Variants in NRXN3 observed in about 807,000 individuals in gnomAD.
NRXN3 encodes the protein neurexin 3.
Under a neutral mutation model 137.6 loss-of-function variants are expected in NRXN3, and 32 were observed. That is an observed-to-expected ratio of 0.23 (90% CI 0.18 to 0.31). The LOEUF is 0.31. Among genes scored for constraint, NRXN3 ranks in the 10% least tolerant of loss-of-function variants. The probability of loss-of-function intolerance (pLI) is 1.00; values close to 1 mark genes in which losing one functional copy is unlikely to be tolerated. For missense variants in NRXN3, 1,574 were observed against 2,062.5 expected (o/e 0.76, Z 4.59); for synonymous variants, 798 against 784.5 (o/e 1.02, Z -0.29).
chr14:79,653,737 C>CT (rs1316547804), intron 16 of NRXN3, among the ~76,000 whole-genome samples: 3 of 152,036 alleles, frequency 2.0e-5, no homozygotes, highest in African/African-American at 7.2e-5. Context: ...TTCTATTTGC[C>CT]AAATAATAAT....
intron 19 of NRXN3, among the ~76,000 whole-genome samples, chr14:79,756,048 C>A (rs891693030): frequency 6.6e-6 from 1 of 152,018 alleles, no homozygotes; most frequent in Admixed American, 6.6e-5. Context: ...TTTGGTAATT[C>A]TCTTGTAGGG....
At chr14:79,624,702 C>G (rs1345852112) in intron 16 of NRXN3, among the ~76,000 whole-genome samples, 1 of 151,944 alleles carries the variant, frequency 6.6e-6, no homozygotes, top group Non-Finnish European at 1.5e-5. Flanking sequence ...TGGTAACCAA[C>G]TTTCTACTCT....
chr14:78,250,438 A>G (rs1031997513), intron 2 of NRXN3, among the ~76,000 whole-genome samples: 7 of 152,170 alleles, frequency 4.6e-5, no homozygotes, highest in Non-Finnish European at 7.3e-5. Flanking sequence ...CCCTACCTCC[A>G]CCAGTTTCCC....
intron 16 of NRXN3, among the ~76,000 whole-genome samples, chr14:79,493,843 T>G (rs2096740650): frequency 6.6e-6 from 1 of 152,192 alleles, no homozygotes; most frequent in African/African-American, 2.4e-5. Flanking sequence ...AACAAAGGTT[T>G]TCACAAGGTC....
intron 15 of NRXN3, among the ~76,000 whole-genome samples, chr14:79,320,321 G>A (rs938965169): frequency 6.6e-6 from 1 of 152,146 alleles, no homozygotes; most frequent in African/African-American, 2.4e-5. Context: ...ATAAGTGGTG[G>A]ACATTTTTCT....
chr14:78,886,529 T>C (rs968344404), intron 10 of NRXN3, among the ~76,000 whole-genome samples: 3 of 152,052 alleles, frequency 2.0e-5, no homozygotes, highest in Admixed American at 6.6e-5. Flanking sequence ...CCAAACACTT[T>C]AGAGTCTTTA....
intron 15 of NRXN3, among the ~76,000 whole-genome samples, chr14:79,118,543 C>A (rs996928896): frequency 1.3e-5 from 2 of 152,208 alleles, no homozygotes; most frequent in African/African-American, 4.8e-5. Context: ...ATTGCATCAA[C>A]CTCAACCCTG....
chr14:78,173,795 G>A (rs944300333), intron 1 of NRXN3, among the ~76,000 whole-genome samples: 2 of 138,346 alleles, frequency 1.4e-5, no homozygotes, highest in East Asian at 4.6e-4. Flanking sequence ...GGAGGGCAAA[G>A]TCGGCACATC....
intron 15 of NRXN3, among the ~76,000 whole-genome samples, chr14:79,186,246 T>C (rs1341071943): frequency 7.1e-6 from 1 of 140,288 alleles, no homozygotes; most frequent in Non-Finnish European, 1.6e-5. Context: ...TCAAGGGTGT[T>C]ACCTGAAAAA....
intron 10 of NRXN3, among the ~76,000 whole-genome samples, chr14:78,950,153 A>G (rs2099384292): frequency 6.6e-6 from 1 of 152,230 alleles, no homozygotes. Context: ...TTTTAAAAAC[A>G]AGAGTAGAAT....
intron 15 of NRXN3, among the ~76,000 whole-genome samples, chr14:79,097,966 C>T (rs2050642975): frequency 6.6e-6 from 1 of 152,136 alleles, no homozygotes; most frequent in Non-Finnish European, 1.5e-5. Flanking sequence ...TAGTCTCCTA[C>T]AGCTGCCTCT....
At chr14:78,674,783 T>C (rs2097982732) in intron 6 of NRXN3, among the ~76,000 whole-genome samples, 1 of 152,210 alleles carries the variant, frequency 6.6e-6, no homozygotes, top group African/African-American at 2.4e-5. Flanking sequence ...ATGTTTTGCT[T>C]GAATTAGAAT....
chr14:79,021,349 G>T (rs766740353), intron 15 of NRXN3, among the ~76,000 whole-genome samples: 1 of 152,186 alleles, frequency 6.6e-6, no homozygotes, highest in Non-Finnish European at 1.5e-5. Context: ...GCCTGGTTTT[G>T]ATATGGAAGA....
At chr14:79,716,606 C>T (rs2098824460) in intron 19 of NRXN3, among the ~76,000 whole-genome samples, 1 of 151,988 alleles carries the variant, frequency 6.6e-6, no homozygotes, top group East Asian at 1.9e-4. Flanking sequence ...CTGCGGAGTT[C>T]AGTGGAAGTT....
chr14:78,578,774 T>C (rs887797292), intron 4 of NRXN3, among the ~76,000 whole-genome samples: 1 of 152,060 alleles, frequency 6.6e-6, no homozygotes, highest in Admixed American at 6.6e-5. Flanking sequence ...ACAGAGAGAA[T>C]AGACACTGAG....
At chr14:78,948,046 C>G (rs965934164) in intron 10 of NRXN3, among the ~76,000 whole-genome samples, 1 of 152,144 alleles carries the variant, frequency 6.6e-6, no homozygotes, top group Non-Finnish European at 1.5e-5. Context: ...TGATTGAGTG[C>G]TATGTAGGTT....
intron 8 of NRXN3, among the ~76,000 whole-genome samples, chr14:78,781,068 T>C (rs2098767557): frequency 2.0e-5 from 3 of 152,164 alleles, no homozygotes; most frequent in Admixed American, 1.3e-4. Flanking sequence ...CTATATAATA[T>C]AATAACATCC....
At chr14:78,788,227 G>A (rs889173538) in intron 8 of NRXN3, among the ~76,000 whole-genome samples, 5 of 151,434 alleles carry the variant, frequency 3.3e-5, no homozygotes, top group African/African-American at 9.7e-5. Flanking sequence ...TAGACCTCAA[G>A]GAAATTCAAA....
chr14:79,158,754 G>C (rs1305088573), intron 15 of NRXN3, among the ~76,000 whole-genome samples: 1 of 151,832 alleles, frequency 6.6e-6, no homozygotes, highest in Admixed American at 6.6e-5. Context: ...TATGATACCA[G>C]TGATTTAGTC....
Sources: allele counts gnomAD v4.1 joint callset (sites outside exome capture counted in the v4.1 genomes callset), GRCh38; gene constraint gnomAD v4.1.1; transcripts MANE v1.5; gene names NCBI Gene and HGNC (gene_info 2026-07-23, HGNC 2026-07-21).